SPATA31C2: variants seen among roughly 807,000 people sequenced by gnomAD.
SPATA31C2 encodes SPATA31 subfamily C member 2.
Under a neutral mutation model 11.4 loss-of-function variants are expected in SPATA31C2, and 5 were observed. That is an observed-to-expected ratio of 0.44 (90% CI 0.23 to 0.92). The LOEUF is 0.92. Ranked by LOEUF, SPATA31C2 falls within the 40% of genes least tolerant of loss-of-function variation. The probability of loss-of-function intolerance (pLI) is 0.24; values close to 1 mark genes in which losing one functional copy is unlikely to be tolerated. For missense variants in SPATA31C2, 1,353 were observed against 1,368.6 expected (o/e 0.99, Z 0.18); for synonymous variants, 515 against 538.7 (o/e 0.96, Z 0.61).
intron 2 of SPATA31C2, among the ~76,000 whole-genome samples, chr9:88,133,230 C>T (rs1587689102): frequency 2.6e-5 from 1 of 38,566 alleles, no homozygotes; most frequent in Non-Finnish European, 4.3e-5. Flanking sequence ...CACACAGACC[C>T]TCCACCCCCA....
At position 88,134,369 on chromosome 9, in the gene SPATA31C2, C is replaced by T. The variant is rs1459177197; in HGVS notation, c.190-700G>A. On this transcript the variant is annotated intron_variant, in intron 1 of 3. Coordinates refer to ENST00000324915, the MANE Select transcript of SPATA31C2 (RefSeq NM_001350978.3). Reference sequence around the variant, plus strand: ...GGGCCCAGCACAGGCCCCATATCACCCCACACAGAAGAGGCTGGGTCCCGA... The same window carrying T: ...GGGCCCAGCACAGGCCCCATATCACTCCACACAGAAGAGGCTGGGTCCCGA... Among the ~76,000 whole-genome samples, 3 of 145,904 alleles carry T rather than the reference C, an allele frequency of 2.1e-5. No individual in the cohort carries two copies. The East Asian group carries it at 6.6e-4, about 32-fold the overall frequency.
In SPATA31C2 at chr9:88,130,845, A is replaced by G. The variant is rs748335506; in HGVS notation, c.2192T>C (p.Leu731Pro). Reference sequence around the variant, plus strand: ...CTTACATGCAGGTGAGGAGGCCTGAAGCCTCTCTGGCATGTGAACAGATGG... The same window carrying G: ...CTTACATGCAGGTGAGGAGGCCTGAGGCCTCTCTGGCATGTGAACAGATGG... ...TKPSVHMPER[L>P]QASSPACKQF... Residue 731 changes from leucine to proline, a missense_variant, in exon 4 of 4, where the codon CTT (leucine) becomes CCT (proline). Leu to Pro is a moderately conservative substitution (Grantham distance 98). Around this residue, in one of 6 missense-constraint regions of SPATA31C2, gnomAD observed 1,075 missense variants for 992.8 expected, o/e 1.08. Transcript: ENST00000324915. The G allele has an allele frequency of 6.2e-7, 1 of 1,613,496 alleles. No homozygotes were observed. The highest frequency in any genetic ancestry group is 8.5e-7 in the Non-Finnish European group (1 of 1,179,882).
At position 88,130,328 on chromosome 9, in the gene SPATA31C2, A is replaced by G; in HGVS notation, c.2709T>C (p.His903=). The G allele has an allele frequency of 1.2e-6, 2 of 1,609,514 alleles. No individual in the cohort carries two copies. The highest frequency in any genetic ancestry group is 1.7e-6 in the Non-Finnish European group (2 of 1,179,166). Residue 903 remains histidine, a synonymous_variant, in exon 4 of 4, where the codon CAT becomes CAC. Transcript: ENST00000324915. The part of the protein sequence containing the change: ...ENLASQVPQG[H]LQSMPTGNMQ... ...TGTTCCCAGTAGGCATGCTCTGGAG[A>G]TGGCCCTGGGGCACTTGAGAAGCCA...
At chr9:88,135,945 T>TG (rs1376349498) in intron 1 of SPATA31C2, among the ~76,000 whole-genome samples, 181 of 140,936 alleles carry the variant, frequency 1.3e-3, no homozygotes, top group Non-Finnish European at 2.3e-3. Context: ...AGTTTTCCTT[T>TG]CTTTTTGAGA....
chr9:88,133,848 A>T (rs1825642213), intron 1 of SPATA31C2, among the ~76,000 whole-genome samples, 179 bp from the exon 2 acceptor site: 1 of 152,150 alleles, frequency 6.6e-6, no homozygotes, highest in South Asian at 2.1e-4. Flanking sequence ...TCTTAGAAAA[A>T]CAGGAAGAGG....
chr9:88,136,628 C>G (rs1476847334), intron 1 of SPATA31C2, among the ~76,000 whole-genome samples: 1 of 146,522 alleles, frequency 6.8e-6, no homozygotes, highest in African/African-American at 2.5e-5. Context: ...AGTCCTAGGA[C>G]CTGAAGAATT....
In SPATA31C2 at chr9:88,130,020, A is replaced by C. The variant is rs1277152499; in HGVS notation, c.3017T>G (p.Ile1006Arg). The C allele has an allele frequency of 6.2e-7, 1 of 1,608,560 alleles. No individual in the cohort carries two copies. The highest frequency in any genetic ancestry group is 8.5e-7 in the Non-Finnish European group (1 of 1,176,898). The change falls in exon 4 of 4, where the codon ATA becomes AGA. Residue 1006 changes from isoleucine to arginine, a missense_variant. Physicochemically the swap from Ile to Arg is moderately conservative, Grantham distance 97 (BLOSUM62 -3). Coordinates refer to ENST00000324915, the MANE Select transcript of SPATA31C2 (RefSeq NM_001350978.3). ...CTTGATGTTTTCTCCAAAGTGGCTTATTGAAGGAGGCTGTTTCTTTGATGG... is the reference window on the plus strand; with the variant it reads ...CTTGATGTTTTCTCCAAAGTGGCTTCTTGAAGGAGGCTGTTTCTTTGATGG... The part of the protein sequence containing the change: ...LLPSKKQPPS[I>R]SHFGENIKQF...
chr9:88,136,681 T>G (rs900066124), intron 1 of SPATA31C2, among the ~76,000 whole-genome samples: 1 of 145,966 alleles, frequency 6.9e-6, no homozygotes, highest in African/African-American at 2.5e-5. Flanking sequence ...GTGATCTTTT[T>G]TTTTTTTTTG....
Position 88,129,992 on chromosome 9 carries a change from T to C in SPATA31C2, c.3045A>G (p.Gln1015=), listed in dbSNP as rs1259007763. Residue 1015 remains glutamine (Q), a synonymous_variant, in exon 4 of 4, where the codon CAA becomes CAG. Transcript: ENST00000324915. ...SISHFGENIK[Q]FFQTIFSKKE... is the part of the protein sequence containing the mutation. ...TCTTTGAAAAAATCGTCTGAAAAAA[T>C]TGCTTGATGTTTTCTCCAAAGTGGC... The C allele has an allele frequency of 3.7e-6, 6 of 1,608,722 alleles. No individual in the cohort carries two copies. The highest frequency in any genetic ancestry group is 5.1e-6 in the Non-Finnish European group (6 of 1,176,524).
At chr9:88,134,359 C>T (rs1258210687) in intron 1 of SPATA31C2, among the ~76,000 whole-genome samples, 3 of 143,798 alleles carry the variant, frequency 2.1e-5, no homozygotes, top group Non-Finnish European at 3.1e-5. Context: ...CAGCACAGGC[C>T]CCATATCACC....
In SPATA31C2 at chr9:88,131,892, G is replaced by A. The variant is rs762211205; in HGVS notation, c.1145C>T (p.Ser382Leu). 2.4e-5 allele frequency: 39 copies of A among 1,610,324 alleles called. No individual in the cohort carries two copies. Among genetic ancestry groups the A allele is most frequent in the African/African-American group, 8.0e-5 (6 of 74,804 alleles). ...MKNTGVACPA[S>L]QNKVQALSLP... ...GGAGAGAGCTTGCACTTTATTCTGC[G>A]ACGCAGGGCAAGCTACTCCAGTGTT... Residue 382 changes from serine to leucine, a missense_variant, in exon 4 of 4, where the codon TCG becomes TTG. This residue lies in a region of SPATA31C2 where 1,075 missense variants were observed against 992.8 expected (regional missense o/e 1.08). Coordinates refer to ENST00000324915, the MANE Select transcript of SPATA31C2 (RefSeq NM_001350978.3).
intron 1 of SPATA31C2, among the ~76,000 whole-genome samples, chr9:88,134,393 G>A (rs1158876003): frequency 3.3e-5 from 5 of 149,508 alleles, no homozygotes; most frequent in African/African-American, 9.8e-5. Flanking sequence ...GCTGGGTCCC[G>A]AGCCACCTGC....
In SPATA31C2 at chr9:88,130,951, C is replaced by A; in HGVS notation, c.2086G>T (p.Gly696Trp). Residue 696 changes from glycine to tryptophan, a missense_variant, in exon 4 of 4, where the codon GGG becomes TGG. Physicochemically the swap from Gly to Trp is radical, Grantham distance 184. Transcript: ENST00000324915. ...AGPSSDTCES[G>W]AGSKVEVATF... ...GCCACCTCAACTTTTGAGCCAGCCC[C>A]AGATTCGCAGGTGTCTGAGGAGGGA... The A allele has an allele frequency of 6.2e-7, 1 of 1,613,282 alleles. No individual in the cohort carries two copies.
Position 88,133,609 on chromosome 9 carries a change from T to G in SPATA31C2, c.250A>C (p.Asn84His), listed in dbSNP as rs765746166. ...RRGRPRGRMK[N>H]HSLRACRECP... The stretch of plus-strand genomic sequence containing the variant: ...AGAGCCTTACCTCTCAGACTGTGGT[T>G]TTTCATCCTGCCTCTGGGCCTCCCC... Residue 84 changes from asparagine to histidine, a missense_variant, in exon 2 of 4, where the codon AAC (asparagine) becomes CAC (histidine). Around this residue, in one of 6 missense-constraint regions of SPATA31C2, gnomAD observed 67 missense variants for 41.4 expected, o/e 1.62. Transcript: ENST00000324915. The G allele has an allele frequency of 1.2e-5, 20 of 1,603,520 alleles. No individual in the cohort carries two copies. Among genetic ancestry groups the G allele is most frequent in the Non-Finnish European group, 1.7e-5 (20 of 1,173,892 alleles).
chr9:88,130,083 G>C lies in SPATA31C2; in HGVS notation c.2954C>G (p.Thr985Arg), dbSNP rs757050928. Residue 985 changes from threonine to arginine, a missense_variant, in exon 4 of 4, where the codon ACA becomes AGA. Thr to Arg is a moderately conservative substitution (Grantham distance 71). Around this residue, in one of 6 missense-constraint regions of SPATA31C2, gnomAD observed 187 missense variants for 205.8 expected, o/e 0.91. Transcript: ENST00000324915. ...GCCTTCATTCTGACGGGTGTCTTCT[G>C]TTTTCCTGCCTGGGGTAAGTTGAGG... ...RTPQLTPGRKTEDTRQNEGVQ... is the reference protein window; with the variant it reads ...RTPQLTPGRKREDTRQNEGVQ... 1.2e-6 allele frequency: 2 copies of C among 1,606,952 alleles called. No individual in the cohort carries two copies. The highest frequency in any genetic ancestry group is 8.5e-7 in the Non-Finnish European group (1 of 1,177,278).
Position 88,131,300 on chromosome 9 carries a change from G to C in SPATA31C2, c.1737C>G (p.His579Gln). 6.2e-7 allele frequency: 1 copy of C among 1,611,846 alleles called. No individual in the cohort carries two copies. Among genetic ancestry groups the C allele is most frequent in the Admixed American group, 1.7e-5 (1 of 59,998 alleles). The change falls in exon 4 of 4, where the codon CAC (histidine) becomes CAG (glutamine). Residue 579 changes from histidine to glutamine, a missense_variant. Around this residue, in one of 6 missense-constraint regions of SPATA31C2, gnomAD observed 1,075 missense variants for 992.8 expected, o/e 1.08. Coordinates refer to ENST00000324915, the MANE Select transcript of SPATA31C2 (RefSeq NM_001350978.3). ...TGGTCTGGCCCAACTTTCTGCTCATGTGGGCTTTCAGGATGTTTTCTATAT... is the reference window on the plus strand; with the variant it reads ...TGGTCTGGCCCAACTTTCTGCTCATCTGGGCTTTCAGGATGTTTTCTATAT... ...RNHIENILKA[H>Q]MSRKLGQTNE...
At position 88,130,428 on chromosome 9, in the gene SPATA31C2, T is replaced by C. The variant is rs770999047; in HGVS notation, c.2609A>G (p.Gln870Arg). Reference protein sequence around the residue: ...EPGKATKSETQPQVSATVVLL... With the variant: ...EPGKATKSETRPQVSATVVLL... ...CACAACAGTGGCAGAAACTTGAGGCTGGGTCTCTGACTTCGTGGCCTTTCC... is the reference window on the plus strand; with the variant it reads ...CACAACAGTGGCAGAAACTTGAGGCCGGGTCTCTGACTTCGTGGCCTTTCC... The change falls in exon 4 of 4, where the codon CAG (glutamine) becomes CGG (arginine). Residue 870 changes from glutamine to arginine, a missense_variant. Physicochemically the swap from Gln to Arg is conservative, Grantham distance 43. Coordinates refer to ENST00000324915, the MANE Select transcript of SPATA31C2 (RefSeq NM_001350978.3). 61 of 1,612,826 alleles carry C rather than the reference T, an allele frequency of 3.8e-5. No homozygotes were observed. The highest frequency in any genetic ancestry group is 4.7e-5 in the Non-Finnish European group (55 of 1,179,520).
In SPATA31C2 at chr9:88,133,807, A is replaced by T. The variant is rs1209779729; in HGVS notation, c.190-138T>A. ...AGCTCTGTGTGCTTCCTCCCCTCCCACTCATGTTTAAATGGATGATAAACT... is the reference window on the plus strand; with the variant it reads ...AGCTCTGTGTGCTTCCTCCCCTCCCTCTCATGTTTAAATGGATGATAAACT... On this transcript the variant is annotated intron_variant, in intron 1 of 3. Transcript: ENST00000324915. 30 of 1,307,348 alleles carry T rather than the reference A, an allele frequency of 2.3e-5. No individual in the cohort carries two copies. The Admixed American group carries it at 4.5e-4, about 20-fold the overall frequency. 81.0% of individuals were successfully genotyped at this position (1,307,348 alleles called of 1,614,324 possible). A position where few individuals can be genotyped will look rare whatever the true frequency, so the allele number is the denominator to read the frequency against.
At chr9:88,134,462 C>T (rs1195220646) in intron 1 of SPATA31C2, among the ~76,000 whole-genome samples, 8 of 141,860 alleles carry the variant, frequency 5.6e-5, no homozygotes, top group African/African-American at 1.6e-4. Flanking sequence ...AGACCTCCCC[C>T]GTCTCATGAC....
Sources: allele counts gnomAD v4.1 joint callset (sites outside exome capture counted in the v4.1 genomes callset), GRCh38; gene constraint gnomAD v4.1.1; regional missense constraint gnomAD v4.1.1; transcripts MANE v1.5; gene names NCBI Gene and HGNC (gene_info 2026-07-23, HGNC 2026-07-21).